The following SMAGP variants were observed in gnomAD, a reference collection of about 807,000 sequenced individuals.
SMAGP encodes small cell transmembrane and glycosylated protein.
In SMAGP, 7 loss-of-function variants were observed where a neutral mutation model predicts 10.1. That is an observed-to-expected ratio of 0.70 (90% confidence interval 0.40 to 1.31). The LOEUF is 1.31. SMAGP is among the 50% of genes most tolerant of loss of function. The pLI is 0.01. For synonymous variants in SMAGP, 49 were observed against 47.2 expected, an observed-to-expected ratio of 1.04 and a Z score of -0.16; for missense variants, 113 against 116.5, an observed-to-expected ratio of 0.97 and a Z score of 0.14.
chr12:51,254,255 T>C (rs1944867630), intron 2 of SMAGP, among the ~76,000 whole-genome samples: 1 of 151,808 alleles, frequency 6.6e-6, no homozygotes, highest in African/African-American at 2.4e-5. Context: ...AGACAGACAA[T>C]AAATAAAATA....
rs377529982 is a variant in SMAGP, at chr12:51,260,057, TAAAG to T, written c.34+9184_34+9187del. The stretch of plus-strand genomic sequence containing the variant: ...TTATATTCCGAATTTCTCACAATGA[TAAAG>T]AATTACTTTTATAATCATAAAAAAT... On this transcript the variant is annotated intron_variant, in intron 2 of 3. Coordinates refer to ENST00000603798, the MANE Select transcript of SMAGP (RefSeq NM_001031628.2). Among the ~76,000 whole-genome samples the T allele has an allele frequency of 7.9e-5, 12 of 152,258 alleles. No individual in the cohort carries two copies. The East Asian group carries it at 1.5e-3, about 20-fold the overall frequency.
At chr12:51,249,500 C>CTGCTTGCT (rs1324616024) in intron 2 of SMAGP, among the ~76,000 whole-genome samples, 1 of 152,146 alleles carries the variant, frequency 6.6e-6, no homozygotes, top group Non-Finnish European at 1.5e-5. Flanking sequence ...TGCTGTGGAA[C>CTGCTTGCT]TGCTTGCTTG....
intron 2 of SMAGP, among the ~76,000 whole-genome samples, chr12:51,258,204 T>C (rs1944902356): frequency 1.3e-5 from 2 of 152,032 alleles, no homozygotes; most frequent in African/African-American, 2.4e-5. Flanking sequence ...GGATGTAAGA[T>C]AATCAGTTGA....
chr12:51,269,251 G>A lies in SMAGP; in HGVS notation c.28C>T (p.Pro10Ser), dbSNP rs2137314611. The change falls in exon 2 of 4, where the codon CCA (proline) becomes TCA (serine). Residue 10 changes from proline to serine, a missense_variant. By Grantham distance (74) the Pro-to-Ser change is moderately conservative (BLOSUM62 -1). Coordinates refer to ENST00000603798, the MANE Select transcript of SMAGP (RefSeq NM_001031628.2). Reference protein sequence around the residue: MTSLLTTPSPREELMTTPIL... With the variant: MTSLLTTPSSREELMTTPIL... ...AGGAAAGGCCTTCACCTACCTCTTGGAGAAGGAGTAGTCAGGAGGCTGGTC... is the reference window on the plus strand; with the variant it reads ...AGGAAAGGCCTTCACCTACCTCTTGAAGAAGGAGTAGTCAGGAGGCTGGTC... 6.2e-7 allele frequency: 1 copy of A among 1,613,890 alleles called. No homozygotes were observed. The highest frequency in any genetic ancestry group is 1.1e-5 in the South Asian group (1 of 91,080).
intron 2 of SMAGP, among the ~76,000 whole-genome samples, chr12:51,262,883 C>T (rs1313490923): frequency 6.6e-6 from 1 of 152,138 alleles, no homozygotes; most frequent in African/African-American, 2.4e-5. Context: ...CAGCAGAGGG[C>T]GGCTCCCCGA....
intron 2 of SMAGP, among the ~76,000 whole-genome samples, chr12:51,261,709 G>C (rs1280206998): frequency 4.6e-5 from 7 of 152,062 alleles, no homozygotes; most frequent in African/African-American, 1.2e-4. Flanking sequence ...AATGGAAAGT[G>C]TTCTATTAGA....
intron 2 of SMAGP, chr12:51,251,482 C>T (rs986468406): frequency 8.0e-5 from 12 of 150,612 alleles, no homozygotes; most frequent in African/African-American, 2.4e-4. Flanking sequence ...CCCAGCTACT[C>T]GGTAAACTTG....
At chr12:51,269,145 T>G in intron 2 of SMAGP, 100 bp downstream of exon 2, 1 of 1,293,332 alleles carries the variant, frequency 7.7e-7, no homozygotes, top group Non-Finnish European at 1.1e-6. Context: ...CAGAGAGAGG[T>G]GGGAGTCTTC....
At chr12:51,269,567 G>A (rs1016851193) in intron 1 of SMAGP, 3 of 367,846 alleles carry the variant, frequency 8.2e-6, no homozygotes, top group Non-Finnish European at 1.5e-5. Context: ...TCCTTTCAAT[G>A]GGCCACCAAA....
At chr12:51,267,028 A>G (rs1944980310) in intron 2 of SMAGP, among the ~76,000 whole-genome samples, 1 of 152,122 alleles carries the variant, frequency 6.6e-6, no homozygotes, top group South Asian at 2.1e-4. Flanking sequence ...AGGTGGGAGA[A>G]TTGCTTGAAC....
chr12:51,266,943 C>T (rs533842231), intron 2 of SMAGP, among the ~76,000 whole-genome samples: 347 of 152,278 alleles, frequency 2.3e-3, no homozygotes, highest in African/African-American at 7.8e-3. Context: ...TGGCGAAACC[C>T]TGTCTCCACT....
chr12:51,269,141 G>T lies in SMAGP; in HGVS notation c.34+104C>A. On this transcript the variant is annotated intron_variant, in intron 2 of 3. Coordinates refer to ENST00000603798, the MANE Select transcript of SMAGP (RefSeq NM_001031628.2). ...CCTTCCTGTGTGAGGCAGGCAGAGA[G>T]AGGTGGGAGTCTTCCCACCTGGGCT... The T allele has an allele frequency of 3.3e-6, 4 of 1,219,554 alleles. No individual in the cohort carries two copies. In the South Asian group the frequency reaches 4.9e-5, roughly 15 times the overall value. 75.5% of individuals were successfully genotyped at this position (1,219,554 alleles called of 1,614,324 possible).
chr12:51,246,604 C>CTATG, intron 3 of SMAGP, 147 bp downstream of exon 3: 1 of 336,948 alleles, frequency 3.0e-6, no homozygotes, highest in South Asian at 1.1e-4. Context: ...TCTTTTATGG[C>CTATG]TGTGTGTGTG....
At chr12:51,253,739 C>T (rs527401737) in intron 2 of SMAGP, 51 of 152,358 alleles carry the variant, frequency 3.3e-4, no homozygotes, top group African/African-American at 1.2e-3. Flanking sequence ...AACCCCGTCT[C>T]TACTAAAAAT....
At chr12:51,265,858 G>A (rs188457700) in intron 2 of SMAGP, among the ~76,000 whole-genome samples, 2,237 of 152,166 alleles carry the variant, frequency 0.015, 18 homozygotes, top group Non-Finnish European at 0.025. Flanking sequence ...CGAGGTGGGC[G>A]GATCACGAGG....
chr12:51,246,486 TC>T (rs1944771137), intron 3 of SMAGP: 3 of 442,084 alleles, frequency 6.8e-6, no homozygotes, highest in Non-Finnish European at 1.2e-5. Flanking sequence ...ACCACATATA[TC>T]CTCGTCCCTA....
chr12:51,259,584 A>G (rs770283120), intron 2 of SMAGP, among the ~76,000 whole-genome samples: 1 of 150,992 alleles, frequency 6.6e-6, no homozygotes, highest in African/African-American at 2.4e-5. Context: ...TGGGGAAGCT[A>G]TGGCTTAGCA....
chr12:51,258,303 C>T (rs367758842), intron 2 of SMAGP, among the ~76,000 whole-genome samples: 2 of 152,128 alleles, frequency 1.3e-5, no homozygotes, highest in South Asian at 2.1e-4. Context: ...ATTTACAGGC[C>T]GGGCACAGTG....
chr12:51,263,800 GC>G (rs1944949645), intron 2 of SMAGP, among the ~76,000 whole-genome samples: 1 of 152,060 alleles, frequency 6.6e-6, no homozygotes, highest in Non-Finnish European at 1.5e-5. Context: ...AGTGCCCTGG[GC>G]CCACAATGCT....
Sources: allele counts gnomAD v4.1 joint callset (sites outside exome capture counted in the v4.1 genomes callset), GRCh38; gene constraint gnomAD v4.1.1; transcripts MANE v1.5; gene names NCBI Gene and HGNC (gene_info 2026-07-23, HGNC 2026-07-21).